GTF2F1: variants seen among roughly 807,000 people sequenced by gnomAD.
The protein encoded by GTF2F1 is general transcription factor IIF 74 kDa subunit.
A neutral mutation model predicts 63.5 loss-of-function variants in GTF2F1; 39 were observed. The ratio of observed to expected loss-of-function variants is 0.61; its 90% CI spans 0.48 to 0.80. GTF2F1 has a LOEUF of 0.80. Among genes scored for constraint, GTF2F1 ranks in the 30% least tolerant of loss-of-function variants. The pLI is 0.00. For synonymous variants in GTF2F1, 287 were observed against 285.3 expected (o/e 1.01, Z -0.06); for missense variants, 657 against 718.3 (o/e 0.91, Z 0.97).
chr19:6,391,938 A>ATT lies in GTF2F1; in HGVS notation c.94_95dup (p.Asn32LysfsTer21). ...TAGCAAAGTTGACTTTGTCGGCTGC[A>ATT]TTAAAAGCCATGATGTTATATTTTT... is the stretch of plus-strand genomic sequence containing the variant. On this transcript the variant is annotated frameshift_variant, in exon 3 of 13. Coordinates refer to ENST00000394456, the MANE Select transcript of GTF2F1 (RefSeq NM_002096.3). LOFTEE classifies it high-confidence loss of function. 6.3e-7 allele frequency: 1 copy of ATT among 1,583,446 alleles called. No individual in the cohort carries two copies. The highest frequency in any genetic ancestry group is 8.6e-7 in the Non-Finnish European group (1 of 1,162,776).
At position 6,381,699 on chromosome 19, in the gene GTF2F1, G is replaced by A. The variant is rs2091952593; in HGVS notation, c.834C>T (p.Ser278=). The A allele has an allele frequency of 6.2e-7, 1 of 1,614,056 alleles. No homozygotes were observed. Among genetic ancestry groups the A allele is most frequent in the South Asian group, 1.1e-5 (1 of 91,092 alleles). Residue 278 remains serine, a splice_region_variant and synonymous_variant, in exon 7 of 13, where the codon TCC becomes TCT. Transcript: ENST00000394456. This position sits in a 1 kb window ranked among gnomAD's most constrained non-coding sequence, Gnocchi z 4.1. The stretch of plus-strand genomic sequence containing the variant: ...CAGGCGCCTCCCGTCGGCCTCACCT[G>A]GAGCCGTCTGACATGTAGTCCACCT... ...GQEVDYMSDG[S]SSSQEEPESK... is the part of the protein sequence containing the mutation.
chr19:6,386,605 G>A (rs929357601), intron 5 of GTF2F1, among the ~76,000 whole-genome samples: 10 of 151,890 alleles, frequency 6.6e-5, no homozygotes, highest in Admixed American at 2.0e-4. Context: ...CACCATGCCC[G>A]GCTAATTTTT....
rs946236012 is a variant in GTF2F1, at chr19:6,383,800, A to T, written c.498-305T>A. 7.9e-5 allele frequency among the ~76,000 whole-genome samples: 12 copies of T among 151,546 alleles called. No homozygotes were observed. The highest frequency in any genetic ancestry group is 6.3e-4 in the South Asian group (3 of 4,800). ...TGGTTTCTTGCTATTTTTTATTATT[A>T]TTTTTTTATTTTCTGAGACAGAGTA... On this transcript the variant is annotated intron_variant, in intron 5 of 12. Transcript: ENST00000394456. This position sits in a 1 kb window ranked among gnomAD's most constrained non-coding sequence, Gnocchi z 4.5.
Position 6,389,252 on chromosome 19 carries a change from G to C in GTF2F1, c.326+192C>G, listed in dbSNP as rs1012096180. The stretch of plus-strand genomic sequence containing the variant: ...CTCTGTCTCAAAAAAATACAAGTAA[G>C]TAAAATAAGATAACATAAATAAATA... On this transcript the variant is annotated intron_variant, in intron 4 of 12. Transcript: ENST00000394456. Among the ~76,000 whole-genome samples the C allele has an allele frequency of 6.1e-5, 9 of 148,404 alleles. No homozygotes were observed. The East Asian group carries it at 1.7e-3, about 29-fold the overall frequency.
Position 6,381,010 on chromosome 19 carries a change from C to CT in GTF2F1, c.1124dup (p.Pro376AlafsTer81). 6.2e-7 allele frequency: 1 copy of CT among 1,611,248 alleles called. No individual in the cohort carries two copies. Among genetic ancestry groups the CT allele is most frequent in the Non-Finnish European group, 8.5e-7 (1 of 1,178,922 alleles). On this transcript the variant is annotated frameshift_variant, in exon 11 of 13. Coordinates refer to ENST00000394456, the MANE Select transcript of GTF2F1 (RefSeq NM_002096.3). LOFTEE classifies it high-confidence loss of function. The surrounding 1 kb of genome is among the most constrained non-coding windows in gnomAD (Gnocchi z 4.1). ...TGCCCCTTGAGCTCCCTCCCGACGG[C>CT]TTCCGCTCTCTCTTGGGTGGCGTCT...
In GTF2F1 at chr19:6,387,390, T is replaced by A. The variant is rs936474276; in HGVS notation, c.496A>T (p.Arg166Trp). 6.2e-7 allele frequency: 1 copy of A among 1,613,708 alleles called. No individual in the cohort carries two copies. The highest frequency in any genetic ancestry group is 1.3e-5 in the African/African-American group (1 of 74,984). Residue 166 changes from arginine to tryptophan, a missense_variant and splice_region_variant, in exon 5 of 13, where the codon AGG becomes TGG. Physicochemically the swap from Arg to Trp is moderately radical, Grantham distance 101. Around this residue, in one of 2 missense-constraint regions of GTF2F1, gnomAD observed 602 missense variants for 625.6 expected, o/e 0.96. Coordinates refer to ENST00000394456, the MANE Select transcript of GTF2F1 (RefSeq NM_002096.3). ...CCAGCCACCACCCAGCCCACTCACC[T>A]CTCCCACTCCTCCTCGGCCTCCTCG... ...TAEEAEEEWE[R>W]RNKVLNHFSI...
rs777874021 is a variant in GTF2F1 at position 6,381,541 on chromosome 19, A to T, written c.898+13T>A. On this transcript the variant is annotated intron_variant, in intron 8 of 12. Coordinates refer to ENST00000394456, the MANE Select transcript of GTF2F1 (RefSeq NM_002096.3). This position sits in a 1 kb window ranked among gnomAD's most constrained non-coding sequence, Gnocchi z 4.1. ...CCGCCCCCATCTCCCCGGCCCGCCC[A>T]GCCATCGCCTACCCTTGGGCCCCTC... is the stretch of plus-strand genomic sequence containing the variant. 2 of 1,612,104 alleles carry T rather than the reference A, an allele frequency of 1.2e-6. No individual in the cohort carries two copies. The highest frequency in any genetic ancestry group is 2.7e-5 in the African/African-American group (2 of 74,932).
chr19:6,386,927 GC>G (rs1568330919), intron 5 of GTF2F1: 1 of 170,750 alleles, frequency 5.9e-6, no homozygotes, highest in Non-Finnish European at 1.3e-5. Flanking sequence ...AGTGCTCTGG[GC>G]CCCCAGCCTC....
At position 6,383,372 on chromosome 19, in the gene GTF2F1, G is replaced by A. The variant is rs773137033; in HGVS notation, c.621C>T (p.Ile207=). 6.2e-7 allele frequency: 1 copy of A among 1,614,196 alleles called. No individual in the cohort carries two copies. The highest frequency in any genetic ancestry group is 2.2e-5 in the East Asian group (1 of 44,888). ...TCTCCAGGTCGTCCTCCAGGTCGTGGATGCGCAGCTCGCTCGCCTTCCTGC... is the reference window on the plus strand; with the variant it reads ...TCTCCAGGTCGTCCTCCAGGTCGTGAATGCGCAGCTCGCTCGCCTTCCTGC... ...RGRRKASELR[I]HDLEDDLEMS... The change falls in exon 6 of 13, where the codon ATC becomes ATT. Residue 207 remains isoleucine (I), a synonymous_variant. Transcript: ENST00000394456. The surrounding 1 kb of genome is among the most constrained non-coding windows in gnomAD (Gnocchi z 4.5).
Position 6,381,734 on chromosome 19 carries a change from CGAA to C in GTF2F1, c.796_798del (p.Phe266del). On this transcript the variant is annotated inframe_deletion, in exon 7 of 13. Transcript: ENST00000394456. The surrounding 1 kb of genome is among the most constrained non-coding windows in gnomAD (Gnocchi z 4.1). ...GACATGTAGTCCACCTCTTGGCCCT[CGAA>C]GTCCCCATCATCGCTGTCCTCGAAG... 1 of 1,614,174 alleles carries C rather than the reference CGAA, an allele frequency of 6.2e-7. No homozygotes were observed. The highest frequency in any genetic ancestry group is 1.7e-5 in the Admixed American group (1 of 60,020).
chr19:6,386,031 G>A (rs766892539), intron 5 of GTF2F1, among the ~76,000 whole-genome samples: 4 of 151,968 alleles, frequency 2.6e-5, no homozygotes, highest in Admixed American at 1.3e-4. Flanking sequence ...AGCTGAGATC[G>A]CGCCACTGCA....
At position 6,383,930 on chromosome 19, in the gene GTF2F1, G is replaced by A. The variant is rs1336194284; in HGVS notation, c.498-435C>T. Among the ~76,000 whole-genome samples the A allele has an allele frequency of 2.8e-5, 4 of 142,504 alleles. No individual in the cohort carries two copies. Among genetic ancestry groups the A allele is most frequent in the Non-Finnish European group, 4.4e-5 (3 of 67,856 alleles). The allele number at this position is 142,504 out of a possible 152,430, so 93.5% of individuals were successfully genotyped here. Reference sequence around the variant, plus strand: ...TCCTGACTCAGCCTCCCAGATAGCCGGGGTTCCAGGCGCCTGCCACCACGC... The same window carrying A: ...TCCTGACTCAGCCTCCCAGATAGCCAGGGTTCCAGGCGCCTGCCACCACGC... On this transcript the variant is annotated intron_variant, in intron 5 of 12. Coordinates refer to ENST00000394456, the MANE Select transcript of GTF2F1 (RefSeq NM_002096.3). This position sits in a 1 kb window ranked among gnomAD's most constrained non-coding sequence, Gnocchi z 4.5.
At chr19:6,382,107 C>G (rs535385389) in intron 6 of GTF2F1, among the ~76,000 whole-genome samples, 5 of 152,090 alleles carry the variant, frequency 3.3e-5, no homozygotes, top group African/African-American at 1.2e-4. Context: ...CACCTGATAA[C>G]CAGGGACACA....
intron 5 of GTF2F1, among the ~76,000 whole-genome samples, chr19:6,384,876 C>T (rs1174875676): frequency 6.6e-6 from 1 of 150,882 alleles, no homozygotes; most frequent in Admixed American, 6.6e-5. Context: ...CTCCACCTCC[C>T]GGGTTCAAGC....
At chr19:6,392,939 GA>G (rs2145086224) in intron 1 of GTF2F1, 36 bp from the exon 2 acceptor site, 1 of 1,614,082 alleles carries the variant, frequency 6.2e-7, no homozygotes, top group East Asian at 2.2e-5. Context: ...AGGGGTCGCC[GA>G]GGTCGCCGTC....
At position 6,380,777 on chromosome 19, in the gene GTF2F1, G is replaced by A; in HGVS notation, c.1232-87C>T. On this transcript the variant is annotated intron_variant, in intron 11 of 12. Coordinates refer to ENST00000394456, the MANE Select transcript of GTF2F1 (RefSeq NM_002096.3). This position sits in a 1 kb window ranked among gnomAD's most constrained non-coding sequence, Gnocchi z 5.3. ...CCAGGCTGGGCAGTGCCAGGATTAG[G>A]GTTCAAGGGGATCAGGGAGAGACAG... 6.5e-7 allele frequency: 1 copy of A among 1,545,020 alleles called. No individual in the cohort carries two copies. Among genetic ancestry groups the A allele is most frequent in the Non-Finnish European group, 8.8e-7 (1 of 1,137,406 alleles).
chr19:6,381,200 G>T lies in GTF2F1; in HGVS notation c.1019-5C>A. The T allele has an allele frequency of 6.2e-7, 1 of 1,605,144 alleles. No individual in the cohort carries two copies. Reference sequence around the variant, plus strand: ...TGTCCGACTCCTCGCTGCTGTCTGCGGGGCACAGGAAAGGGGTCAGGGCCA... The same window carrying T: ...TGTCCGACTCCTCGCTGCTGTCTGCTGGGCACAGGAAAGGGGTCAGGGCCA... On this transcript the variant is annotated splice_polypyrimidine_tract_variant and splice_region_variant and intron_variant, in intron 9 of 12. Coordinates refer to ENST00000394456, the MANE Select transcript of GTF2F1 (RefSeq NM_002096.3). This position sits in a 1 kb window ranked among gnomAD's most constrained non-coding sequence, Gnocchi z 4.1.
rs776107584 is a variant in GTF2F1 at position 6,381,461 on chromosome 19, C to T, written c.916G>A (p.Asp306Asn). 14 of 1,608,130 alleles carry T rather than the reference C, an allele frequency of 8.7e-6. No individual in the cohort carries two copies. The highest frequency in any genetic ancestry group is 2.2e-5 in the East Asian group (1 of 44,888). The change falls in exon 9 of 13, where the codon GAC (aspartate) becomes AAC (asparagine). Residue 306 changes from aspartate to asparagine, a missense_variant. Transcript: ENST00000394456. The surrounding 1 kb of genome is among the most constrained non-coding windows in gnomAD (Gnocchi z 4.1). ...EGPKGVDEQS[D>N]SSEESEEEKP... The stretch of plus-strand genomic sequence containing the variant: ...TCCTCCTCACTCTCCTCACTACTGT[C>T]GCTCTGCTCATCGACACCTGGGAGG...
At position 6,387,550 on chromosome 19, in the gene GTF2F1, G is replaced by A. The variant is rs200049909; in HGVS notation, c.336C>T (p.Gly112=). 4.3e-6 allele frequency: 7 copies of A among 1,614,060 alleles called. No individual in the cohort carries two copies. The South Asian group carries it at 5.5e-5, about 13-fold the overall frequency. The change falls in exon 5 of 13, where the codon GGC becomes GGT. Residue 112 remains glycine, a synonymous_variant. Transcript: ENST00000394456. ...TCTCTGTTACGCCTCCCTTCTTGAT[G>A]CCCTTGAACCTGCAGGGAGCCACGG... ...VNGKSGRKFK[G]IKKGGVTENT...
Sources: allele counts gnomAD v4.1 joint callset (sites outside exome capture counted in the v4.1 genomes callset), GRCh38; gene constraint gnomAD v4.1.1; regional missense constraint gnomAD v4.1.1; non-coding constraint Gnocchi (gnomAD v3.1); transcripts MANE v1.5; gene names NCBI Gene and HGNC (gene_info 2026-07-23, HGNC 2026-07-21).